OSBPL3: variants seen among roughly 807,000 people sequenced by gnomAD.
OSBPL3 encodes the protein oxysterol-binding protein-related protein 3.
Under a neutral mutation model 120.1 loss-of-function variants are expected in OSBPL3, and 65 were observed. The observed-to-expected ratio is 0.54, with a 90% CI of 0.44 to 0.67. OSBPL3 has a LOEUF of 0.67. Ranked by LOEUF, OSBPL3 falls within the 30% of genes least tolerant of loss-of-function variation. The pLI is 0.00. For missense variants in OSBPL3, 1,004 were observed against 1,082.1 expected (o/e 0.93, Z 1.01); for synonymous variants, 416 against 402.6 (o/e 1.03, Z -0.40).
rs1584380437 is a variant in OSBPL3, at chr7:24,852,934, G to T, written c.1028-300C>A. Among the ~76,000 whole-genome samples, 1 of 152,168 alleles carries T rather than the reference G, an allele frequency of 6.6e-6. No homozygotes were observed. Among genetic ancestry groups the T allele is most frequent in the East Asian group, 1.9e-4 (1 of 5,176 alleles). ...GACGGTGCCTACATGGGAGCAGGGG[G>T]CTTATAAAAGCTCTGCACTTTTGGT... is the stretch of plus-strand genomic sequence containing the variant. On this transcript the variant is annotated intron_variant, in intron 10 of 22. Transcript: ENST00000313367. The surrounding 1 kb of genome is among the most constrained non-coding windows in gnomAD (Gnocchi z 4.1).
rs1234046096 is a variant in OSBPL3 at position 24,804,429 on chromosome 7, T to C, written c.2453A>G (p.Glu818Gly). ...TTCAGCTTCTTCTAAGTTCCCTTCC[T>C]CTAGAAACCTGAGGCATCGAGGAAA... ...TRFRPDQRFLEEGNLEEAEIQ... is the reference protein window; with the variant it reads ...TRFRPDQRFLGEGNLEEAEIQ... Residue 818 changes from glutamate to glycine, a missense_variant, in exon 22 of 23, where the codon GAG (glutamate) becomes GGG (glycine). Physicochemically the swap from Glu to Gly is moderately conservative, Grantham distance 98. Around this residue, in one of 4 missense-constraint regions of OSBPL3, gnomAD observed 473 missense variants for 568.0 expected, o/e 0.83. Coordinates refer to ENST00000313367, the MANE Select transcript of OSBPL3 (RefSeq NM_015550.4). The surrounding 1 kb of genome is among the most constrained non-coding windows in gnomAD (Gnocchi z 5.4). 12 of 1,613,428 alleles carry C rather than the reference T, an allele frequency of 7.4e-6. No homozygotes were observed. Among genetic ancestry groups the C allele is most frequent in the Non-Finnish European group, 1.0e-5 (12 of 1,179,780 alleles).
At chr7:24,884,744 T>G (rs372800364) in intron 2 of OSBPL3, among the ~76,000 whole-genome samples, 2 of 152,204 alleles carry the variant, frequency 1.3e-5, no homozygotes, top group Non-Finnish European at 2.9e-5. Flanking sequence ...GTATTAACTT[T>G]GTCCAAGATC....
intron 10 of OSBPL3, among the ~76,000 whole-genome samples, chr7:24,858,127 T>G (rs1361324977): frequency 6.6e-6 from 1 of 152,194 alleles, no homozygotes; most frequent in Non-Finnish European, 1.5e-5. Flanking sequence ...ACTCACAGTC[T>G]ATAATATAGA....
chr7:24,957,522 C>A (rs1258637617), intron 1 of OSBPL3, among the ~76,000 whole-genome samples: 2 of 152,134 alleles, frequency 1.3e-5, no homozygotes, highest in African/African-American at 4.8e-5. Flanking sequence ...AACATGTCTC[C>A]AATCACTACG....
intron 10 of OSBPL3, 58 bp downstream of exon 10, chr7:24,861,555 T>G: frequency 5.1e-6 from 6 of 1,174,236 alleles, no homozygotes; most frequent in Non-Finnish European, 7.2e-6. Flanking sequence ...CATCTCACAT[T>G]CAGACATGCA....
At position 24,834,735 on chromosome 7, in the gene OSBPL3, C is replaced by A; in HGVS notation, c.1497G>T (p.Gly499=). The A allele has an allele frequency of 6.3e-7, 1 of 1,599,344 alleles. No individual in the cohort carries two copies. Among genetic ancestry groups the A allele is most frequent in the Non-Finnish European group, 8.5e-7 (1 of 1,174,554 alleles). The change falls in exon 15 of 23, where the codon GGG becomes GGT. Residue 499 remains glycine, a splice_region_variant and synonymous_variant. Coordinates refer to ENST00000313367, the MANE Select transcript of OSBPL3 (RefSeq NM_015550.4). The surrounding 1 kb of genome is among the most constrained non-coding windows in gnomAD (Gnocchi z 5.2). ...NDLDNERQTL[G]PVLDSGREAK... ...CTTCCCGACCACTATCAAGGACAGG[C>A]CCTGAAAGGGAAAGAGGCCTGGTTG... is the stretch of plus-strand genomic sequence containing the variant.
In OSBPL3 at chr7:24,841,717, A is replaced by AAAAAAAAAAAG. The variant is rs70942886; in HGVS notation, c.1401+561_1401+562insCTTTTTTTTTT. On this transcript the variant is annotated intron_variant, in intron 13 of 22. Transcript: ENST00000313367. ...CTCAAAAAAAAAAAAAAAAAAAAAAAAAAAGAGGCCAGGCACAGTGGCTCA... is the reference window on the plus strand; with the variant it reads ...CTCAAAAAAAAAAAAAAAAAAAAAAAAAAAAAAAAAGAAAAGAGGCCAGGCACAGTGGCTCA... Among the ~76,000 whole-genome samples, 294 of 82,780 alleles carry AAAAAAAAAAAG rather than the reference A, an allele frequency of 3.6e-3. 65 individuals carry two copies. The highest frequency in any genetic ancestry group is 0.012 in the African/African-American group (255 of 20,764). 54.3% of individuals were successfully genotyped at this position (82,780 alleles called of 152,430 possible). A position where few individuals can be genotyped will look rare whatever the true frequency, so the allele number is the denominator to read the frequency against.
chr7:24,847,822 C>A (rs1196863465), intron 12 of OSBPL3, among the ~76,000 whole-genome samples: 2 of 152,198 alleles, frequency 1.3e-5, no homozygotes, highest in Non-Finnish European at 2.9e-5. Flanking sequence ...AATGTGCAGA[C>A]TCAAAAGAGG....
intron 13 of OSBPL3, among the ~76,000 whole-genome samples, chr7:24,841,717 A>AGAAAAG (rs547742202): frequency 1.2e-5 from 1 of 82,792 alleles, no homozygotes; most frequent in Admixed American, 1.5e-4. Flanking sequence ...AAAAAAAAAA[A>AGAAAAG]AAAAGAGGCC....
intron 12 of OSBPL3, among the ~76,000 whole-genome samples, chr7:24,844,994 AT>A (rs1481217231): frequency 6.6e-6 from 1 of 152,214 alleles, no homozygotes; most frequent in African/African-American, 2.4e-5. Context: ...TCACAGAGTA[AT>A]AATAAAATTA....
At chr7:24,980,905 A>G (rs1818268956), upstream of OSBPL3, among the ~76,000 whole-genome samples, 1 of 152,152 alleles carries the variant, frequency 6.6e-6, no homozygotes, top group Admixed American at 6.5e-5. Flanking sequence ...TTGACTTCCC[A>G]CTAGCCCAAT....
At chr7:24,908,837 C>G (rs1808343834) in intron 1 of OSBPL3, among the ~76,000 whole-genome samples, 1 of 152,134 alleles carries the variant, frequency 6.6e-6, no homozygotes, top group African/African-American at 2.4e-5. Flanking sequence ...TTTTTCCTTC[C>G]CATCAAATTT....
Position 24,851,266 on chromosome 7 carries a change from A to G in OSBPL3, c.1158+1238T>C, listed in dbSNP as rs1436728472. 6.6e-6 allele frequency among the ~76,000 whole-genome samples: 1 copy of G among 152,226 alleles called. No homozygotes were observed. The highest frequency in any genetic ancestry group is 1.5e-5 in the Non-Finnish European group (1 of 68,034). ...AGTGTATGGCTGTCTTGTACAATAA[A>G]AAGGGGGCGATTCTATCTGTGACCT... On this transcript the variant is annotated intron_variant, in intron 11 of 22. Transcript: ENST00000313367. This position sits in a 1 kb window ranked among gnomAD's most constrained non-coding sequence, Gnocchi z 4.1.
chr7:24,904,031 T>C (rs906532788), intron 1 of OSBPL3, among the ~76,000 whole-genome samples: 1 of 152,074 alleles, frequency 6.6e-6, no homozygotes, highest in African/African-American at 2.4e-5. Context: ...TGCAGGTATA[T>C]GCCACCACAG....
intron 1 of OSBPL3, chr7:24,906,069 T>A (rs1390711217): frequency 6.5e-6 from 1 of 153,128 alleles, no homozygotes; most frequent in Non-Finnish European, 1.5e-5. Flanking sequence ...GATCTCCTGG[T>A]GAAGCAGAAC....
chr7:24,874,031 T>G (rs16873719), intron 2 of OSBPL3, among the ~76,000 whole-genome samples: 4,309 of 152,314 alleles, frequency 0.028, 211 homozygotes, highest in East Asian at 0.24. Context: ...CCGGAGTATT[T>G]CTGATTTCCC....
rs1028174348 is a variant in OSBPL3, at chr7:24,900,354, T to C, written c.-149-7733A>G. On this transcript the variant is annotated intron_variant, in intron 1 of 22. Transcript: ENST00000313367. This position sits in a 1 kb window ranked among gnomAD's most constrained non-coding sequence, Gnocchi z 4.5. The stretch of plus-strand genomic sequence containing the variant: ...TGTTATTTAGAAGTTTGGTGATGTT[T>C]TTGTGACCAGAAATATGCCACAGGA... Among the ~76,000 whole-genome samples the C allele has an allele frequency of 1.3e-5, 2 of 152,220 alleles. No homozygotes were observed. Among genetic ancestry groups the C allele is most frequent in the South Asian group, 2.1e-4 (1 of 4,832 alleles).
intron 19 of OSBPL3, 28 bp from the exon 20 acceptor site, chr7:24,809,979 G>T: frequency 6.2e-7 from 1 of 1,613,202 alleles, no homozygotes; most frequent in Non-Finnish European, 8.5e-7. Flanking sequence ...TGTTGGCTTA[G>T]TCCTTTAGCA....
At position 24,803,686 on chromosome 7, in the gene OSBPL3, G is replaced by A. The variant is rs561449079; in HGVS notation, c.2567+629C>T. 2.6e-5 allele frequency among the ~76,000 whole-genome samples: 4 copies of A among 152,144 alleles called. No individual in the cohort carries two copies. The highest frequency in any genetic ancestry group is 9.6e-5 in the African/African-American group (4 of 41,508). Reference sequence around the variant, plus strand: ...CTTAGGAGGCTGAGGCAGGAGAATCGCTTGAACCCAGGAGGTGGAGGCTGC... The same window carrying A: ...CTTAGGAGGCTGAGGCAGGAGAATCACTTGAACCCAGGAGGTGGAGGCTGC... On this transcript the variant is annotated intron_variant, in intron 22 of 22. Coordinates refer to ENST00000313367, the MANE Select transcript of OSBPL3 (RefSeq NM_015550.4). The surrounding 1 kb of genome is among the most constrained non-coding windows in gnomAD (Gnocchi z 4.2).
Sources: allele counts gnomAD v4.1 joint callset (sites outside exome capture counted in the v4.1 genomes callset), GRCh38; gene constraint gnomAD v4.1.1; regional missense constraint gnomAD v4.1.1; non-coding constraint Gnocchi (gnomAD v3.1); transcripts MANE v1.5; gene names NCBI Gene and HGNC (gene_info 2026-07-23, HGNC 2026-07-21).